Variants in NEDD9 observed in about 807,000 individuals in gnomAD.
NEDD9 encodes the protein enhancer of filamentation 1.
NEDD9 carries 26 observed loss-of-function variants against 76.6 expected under a neutral mutation model. That is an observed-to-expected ratio of 0.34 (90% confidence interval 0.25 to 0.47). The LOEUF (loss-of-function observed/expected upper bound fraction) is 0.47, where lower values mean the gene tolerates loss of function less well. Ranked by LOEUF, NEDD9 falls within the 20% of genes least tolerant of loss-of-function variation. The pLI is 1.00. For missense variants in NEDD9, 937 were observed against 1,058.5 expected, an observed-to-expected ratio of 0.89 and a Z score of 1.59; for synonymous variants, 392 against 414.2, an observed-to-expected ratio of 0.95 and a Z score of 0.65.
rs1431683323 is a variant in NEDD9 at position 11,271,291 on chromosome 6, C to A, written c.12+34701G>T. Among the ~76,000 whole-genome samples the A allele has an allele frequency of 2.0e-5, 3 of 152,226 alleles. No individual in the cohort carries two copies. In the East Asian group the frequency reaches 5.8e-4, roughly 29 times the overall value. On this transcript the variant is annotated intron_variant, in intron 3 of 3. Coordinates refer to the NEDD9 transcript ENST00000397378. ...GCCTCAAGTGATCCTCCCACCTTGG[C>A]CTCTCAAAGTGCTGAGGTTAGAGAA...
At chr6:11,360,584 C>CCCTCCTCTCTCTCTTCCT (rs1418965549) in intron 1 of NEDD9, among the ~76,000 whole-genome samples, 1 of 138,296 alleles carries the variant, frequency 7.2e-6, no homozygotes, top group Non-Finnish European at 1.6e-5. Context: ...GAGAGCACCT[C>CCCTCCTCTCTCTCTTCCT]CCTGCTCTCT....
chr6:11,205,287 GATCCC>G (rs1477496346), intron 2 of NEDD9, among the ~76,000 whole-genome samples: 1 of 152,162 alleles, frequency 6.6e-6, no homozygotes, highest in Non-Finnish European at 1.5e-5. Context: ...ACCTCTATGG[GATCCC>G]TAACATGGAG....
chr6:11,294,266 C>T (rs187513047), intron 3 of NEDD9, among the ~76,000 whole-genome samples: 9 of 152,238 alleles, frequency 5.9e-5, no homozygotes, highest in Admixed American at 2.6e-4. Flanking sequence ...TGTTCCATAA[C>T]GACTATACCA....
At chr6:11,251,942 G>C (rs115359312) in intron 3 of NEDD9, among the ~76,000 whole-genome samples, 6 of 151,798 alleles carry the variant, frequency 4.0e-5, no homozygotes, top group South Asian at 2.1e-4. Context: ...ATGTGTGTGT[G>C]GGGGGGGATG....
At chr6:11,279,281 GCTGA>G (rs1196638289) in intron 3 of NEDD9, among the ~76,000 whole-genome samples, 1 of 152,224 alleles carries the variant, frequency 6.6e-6, no homozygotes, top group African/African-American at 2.4e-5. Flanking sequence ...ACTCACACCT[GCTGA>G]CTTTCAGCAG....
At position 11,370,018 on chromosome 6, in the gene NEDD9, T is replaced by C. The variant is rs1035086530; in HGVS notation, c.-214+12121A>G. 6.6e-6 allele frequency among the ~76,000 whole-genome samples: 1 copy of C among 152,206 alleles called. No homozygotes were observed. Among genetic ancestry groups the C allele is most frequent in the African/African-American group, 2.4e-5 (1 of 41,456 alleles). ...ATTAAGAAAGAAATTACTCAGCAGA[T>C]AGAAAGTATGACATAGAAGAGGCTA... On this transcript the variant is annotated intron_variant, in intron 1 of 3. Coordinates refer to the NEDD9 transcript ENST00000397378. This position sits in a 1 kb window ranked among gnomAD's most constrained non-coding sequence, Gnocchi z 4.2.
chr6:11,348,973 C>T (rs1762413496), intron 1 of NEDD9, among the ~76,000 whole-genome samples: 1 of 152,132 alleles, frequency 6.6e-6, no homozygotes, highest in Admixed American at 6.5e-5. Flanking sequence ...AAACTATCAC[C>T]ATAGGGAACA....
chr6:11,184,544 A>G lies in NEDD9; in HGVS notation c.*618T>C, dbSNP rs1053693199. The G allele has an allele frequency of 1.3e-5, 2 of 152,590 alleles. No individual in the cohort carries two copies. Among genetic ancestry groups the G allele is most frequent in the Non-Finnish European group, 2.9e-5 (2 of 68,334 alleles). The allele number at this position is 152,590 out of a possible 1,614,324, so 9.5% of individuals were successfully genotyped here. On this transcript the variant is annotated 3_prime_UTR_variant, in exon 7 of 7. Coordinates refer to ENST00000379446, the MANE Select transcript of NEDD9 (RefSeq NM_006403.4). ...ACCTGAACTATCAGAGCTTGGATCC[A>G]CATATATATTCTGAAATTTGCTCCG...
At chr6:11,341,537 G>A (rs1762272970) in intron 1 of NEDD9, among the ~76,000 whole-genome samples, 1 of 152,210 alleles carries the variant, frequency 6.6e-6, no homozygotes, top group Non-Finnish European at 1.5e-5. Context: ...GACTGAAACA[G>A]TATAACAGAG....
intron 2 of NEDD9, chr6:11,328,856 C>T (rs374607290): frequency 6.6e-6 from 1 of 152,250 alleles, no homozygotes; most frequent in Admixed American, 6.5e-5. Flanking sequence ...GGCCAAGACG[C>T]CCTCTCCATG....
chr6:11,277,440 C>T (rs1760441115), intron 3 of NEDD9, among the ~76,000 whole-genome samples: 1 of 152,110 alleles, frequency 6.6e-6, no homozygotes, highest in South Asian at 2.1e-4. Context: ...AATTCCAAAG[C>T]ATGTTACAAA....
intron 2 of NEDD9, among the ~76,000 whole-genome samples, chr6:11,204,259 A>G (rs530030016): frequency 5.3e-5 from 8 of 152,336 alleles, no homozygotes; most frequent in African/African-American, 1.7e-4. Context: ...CATGTTAGAC[A>G]TTTTCCAGAA....
At chr6:11,262,843 T>C (rs1760140093) in intron 3 of NEDD9, among the ~76,000 whole-genome samples, 1 of 152,260 alleles carries the variant, frequency 6.6e-6, no homozygotes, top group African/African-American at 2.4e-5. Context: ...AAATCACAAA[T>C]AAAATCAGAT....
chr6:11,331,462 G>A (rs934822394), intron 2 of NEDD9, among the ~76,000 whole-genome samples: 6 of 152,094 alleles, frequency 3.9e-5, no homozygotes, highest in Non-Finnish European at 5.9e-5. Flanking sequence ...ACAGTGTGGC[G>A]GTGGTGGGAG....
At chr6:11,313,613 T>C (rs1018999109) in intron 2 of NEDD9, among the ~76,000 whole-genome samples, 126 of 151,562 alleles carry the variant, frequency 8.3e-4, no homozygotes, top group Non-Finnish European at 1.5e-3. Context: ...GATGGATGGA[T>C]GGATGAGTGG....
At chr6:11,233,921 T>C (rs1175986671), upstream of NEDD9, among the ~76,000 whole-genome samples, 1 of 152,110 alleles carries the variant, frequency 6.6e-6, no homozygotes, top group Non-Finnish European at 1.5e-5. Flanking sequence ...CAGAATCTGA[T>C]TCCCTTCGCG....
At chr6:11,305,346 T>C in intron 3 of NEDD9, 1 of 317,712 alleles carries the variant, frequency 3.1e-6, no homozygotes. Flanking sequence ...TCAACTCTAC[T>C]ACTAAACAGA....
chr6:11,269,304 A>G (rs1427347160), intron 3 of NEDD9, among the ~76,000 whole-genome samples: 2 of 152,242 alleles, frequency 1.3e-5, no homozygotes, highest in Non-Finnish European at 2.9e-5. Context: ...GGATTGAGAG[A>G]ACTATAGCTA....
chr6:11,288,106 ATGT>A (rs1760688094), intron 3 of NEDD9, among the ~76,000 whole-genome samples: 1 of 152,200 alleles, frequency 6.6e-6, no homozygotes, highest in African/African-American at 2.4e-5. Context: ...AGAGGTGGTC[ATGT>A]TGTTAGAACA....
Sources: allele counts gnomAD v4.1 joint callset (sites outside exome capture counted in the v4.1 genomes callset), GRCh38; gene constraint gnomAD v4.1.1; non-coding constraint Gnocchi (gnomAD v3.1); transcripts MANE v1.5; gene names NCBI Gene and HGNC (gene_info 2026-07-23, HGNC 2026-07-21).